The following MS4A13 variants were observed in gnomAD, a reference collection of about 807,000 sequenced individuals.
MS4A13 encodes the protein membrane-spanning 4-domains subfamily A member 13.
In MS4A13, 21 loss-of-function variants were observed where a neutral mutation model predicts 18.4. That is an observed-to-expected ratio of 1.14 (90% confidence interval 0.81 to 1.64). The LOEUF is 1.64. MS4A13 is among the 40% of genes most tolerant of loss of function. The probability of loss-of-function intolerance (pLI) is 0.00; values close to 1 mark genes in which losing one functional copy is unlikely to be tolerated. For missense variants in MS4A13, 173 were observed against 176.8 expected, an observed-to-expected ratio of 0.98 and a Z score of 0.12; for synonymous variants, 62 against 57.2, an observed-to-expected ratio of 1.08 and a Z score of -0.38.
chr11:60,527,050 CTATTA>C (rs2086718101), intron 5 of MS4A13, among the ~76,000 whole-genome samples: 1 of 152,152 alleles, frequency 6.6e-6, no homozygotes, highest in South Asian at 2.1e-4. Context: ...GTTTCTATCA[CTATTA>C]TATCAAACTC....
chr11:60,541,688 T>C (rs565239092), intron 6 of MS4A13, among the ~76,000 whole-genome samples: 2 of 152,146 alleles, frequency 1.3e-5, no homozygotes, highest in Non-Finnish European at 2.9e-5. Flanking sequence ...AGAAATGTCA[T>C]GAGAGGCTAG....
At chr11:60,520,169 G>C (rs1166087566) in intron 3 of MS4A13, among the ~76,000 whole-genome samples, 3 of 152,048 alleles carry the variant, frequency 2.0e-5, no homozygotes, top group East Asian at 1.9e-4. Flanking sequence ...CATGAGGCTG[G>C]GGGGGTGGCG....
intron 6 of MS4A13, among the ~76,000 whole-genome samples, chr11:60,533,441 A>G (rs1049087489): frequency 1.0e-4 from 11 of 107,372 alleles, no homozygotes; most frequent in African/African-American, 4.0e-4. Context: ...GATGAAATGA[A>G]TGAAATGAAG....
intron 3 of MS4A13, among the ~76,000 whole-genome samples, chr11:60,522,122 A>G (rs1590871513): frequency 6.6e-6 from 1 of 152,098 alleles, no homozygotes; most frequent in Middle Eastern, 3.4e-3. Flanking sequence ...CCCGCCCACA[A>G]CACATGGGAA....
chr11:60,542,634 A>ATC lies in MS4A13; in HGVS notation c.*63_*64dup. 9.3e-7 allele frequency: 1 copy of ATC among 1,080,226 alleles called. No homozygotes were observed. The allele number at this position is 1,080,226 out of a possible 1,614,324, so 66.9% of individuals were successfully genotyped here. A position where few individuals can be genotyped will look rare whatever the true frequency, so the allele number is the denominator to read the frequency against. ...GATGCCTGGTGTGGGTCCTAATGAT[A>ATC]TCTCTGTATAACAAAGCAGTTACGA... is the stretch of plus-strand genomic sequence containing the variant. On this transcript the variant is annotated 3_prime_UTR_variant, in exon 7 of 7. Transcript: ENST00000378186.
In MS4A13 at chr11:60,542,590, T is replaced by C. The variant is rs779515925; in HGVS notation, c.*15T>C. 20 of 1,587,380 alleles carry C rather than the reference T, an allele frequency of 1.3e-5. No homozygotes were observed. Among genetic ancestry groups the C allele is most frequent in the Admixed American group, 3.4e-5 (2 of 59,458 alleles). ...GCACTCCTTAAAAACCCTAGAAATATGAGAATTTTGCTGTTGCTGATGCCT... is the reference window on the plus strand; with the variant it reads ...GCACTCCTTAAAAACCCTAGAAATACGAGAATTTTGCTGTTGCTGATGCCT... On this transcript the variant is annotated 3_prime_UTR_variant, in exon 7 of 7. Coordinates refer to ENST00000378186, the MANE Select transcript of MS4A13 (RefSeq NM_001012417.3).
chr11:60,527,860 A>T (rs2086731529), intron 5 of MS4A13, among the ~76,000 whole-genome samples: 1 of 152,092 alleles, frequency 6.6e-6, no homozygotes, highest in African/African-American at 2.4e-5. Flanking sequence ...TAAAAAATTA[A>T]AAAAAATAAG....
chr11:60,520,195 G>A (rs1427055911), intron 3 of MS4A13, among the ~76,000 whole-genome samples: 1 of 152,092 alleles, frequency 6.6e-6, no homozygotes, highest in African/African-American at 2.4e-5. Context: ...TTCCCATGCT[G>A]TTCTCATGAT....
At position 60,529,471 on chromosome 11, in the gene MS4A13, A is replaced by G; in HGVS notation, c.402+11A>G. 1 of 1,505,850 alleles carries G rather than the reference A, an allele frequency of 6.6e-7. No homozygotes were observed. Among genetic ancestry groups the G allele is most frequent in the Admixed American group, 1.9e-5 (1 of 53,088 alleles). The allele number at this position is 1,505,850 out of a possible 1,614,324, so 93.3% of individuals were successfully genotyped here. ...AGCTGTTCCAATTTGGTAAGTGTTTACCCACTCTCTGGCAAATCAAAAGAT... is the reference window on the plus strand; with the variant it reads ...AGCTGTTCCAATTTGGTAAGTGTTTGCCCACTCTCTGGCAAATCAAAAGAT... On this transcript the variant is annotated intron_variant, in intron 6 of 6. Transcript: ENST00000378186.
chr11:60,526,826 A>AATAC (rs1230516953), intron 5 of MS4A13, among the ~76,000 whole-genome samples: 1 of 152,212 alleles, frequency 6.6e-6, no homozygotes, highest in Non-Finnish European at 1.5e-5. Flanking sequence ...AAAATGGTTA[A>AATAC]TAGTATAGAT....
rs1380626558 is a variant in MS4A13 at position 60,527,392 on chromosome 11, C to G, written c.307-1973C>G. ...TCTCTCTCTCTCTCTCTCTCTCTCTCTCTCTCTCTCTCTCTCTCTGTGTGT... is the reference window on the plus strand; with the variant it reads ...TCTCTCTCTCTCTCTCTCTCTCTCTGTCTCTCTCTCTCTCTCTCTGTGTGT... On this transcript the variant is annotated intron_variant, in intron 5 of 6. Coordinates refer to ENST00000378186, the MANE Select transcript of MS4A13 (RefSeq NM_001012417.3). Among the ~76,000 whole-genome samples the G allele has an allele frequency of 5.3e-3, 647 of 121,226 alleles. 5 individuals are homozygous for G. Among genetic ancestry groups the G allele is most frequent in the African/African-American group, 0.021 (536 of 25,300 alleles). The allele number at this position is 121,226 out of a possible 152,430, so 79.5% of individuals were successfully genotyped here. A position where few individuals can be genotyped will look rare whatever the true frequency, so the allele number is the denominator to read the frequency against.
rs1439648137 is a variant in MS4A13, at chr11:60,542,119, A to G, written c.403-400A>G. Among the ~76,000 whole-genome samples the G allele has an allele frequency of 3.2e-3, 4 of 1,246 alleles. No homozygotes were observed. In the Non-Finnish European group the frequency reaches 0.13, roughly 42 times the overall value. 0.8% of individuals were successfully genotyped at this position (1,246 alleles called of 152,430 possible). A position where few individuals can be genotyped will look rare whatever the true frequency, so the allele number is the denominator to read the frequency against. ...CCTTGAAAACAGAACAAGACCTTGA[A>G]AAAAAAAAAAAACCCAAGGAAGGAA... On this transcript the variant is annotated intron_variant, in intron 6 of 6. Transcript: ENST00000378186.
chr11:60,516,162 G>T (rs2135244234), intron 2 of MS4A13, 78 bp downstream of exon 2: 1 of 151,654 alleles, frequency 6.6e-6, no homozygotes, highest in East Asian at 1.9e-4. Context: ...GGATCTAAAG[G>T]GGGACAGACT....
chr11:60,530,165 C>T (rs973040206), intron 6 of MS4A13, among the ~76,000 whole-genome samples: 5 of 152,144 alleles, frequency 3.3e-5, no homozygotes, highest in Non-Finnish European at 2.9e-5. Flanking sequence ...CAAATATTTA[C>T]GGAGAGCATG....
chr11:60,520,425 A>C (rs1590870670), intron 3 of MS4A13, among the ~76,000 whole-genome samples: 1 of 152,222 alleles, frequency 6.6e-6, no homozygotes, highest in Admixed American at 6.5e-5. Context: ...TGTAAAATCA[A>C]TAGCAAGTTA....
chr11:60,518,945 G>C (rs1256132014), intron 3 of MS4A13, among the ~76,000 whole-genome samples: 1 of 152,208 alleles, frequency 6.6e-6, no homozygotes, highest in African/African-American at 2.4e-5. Flanking sequence ...GGGGAAACTT[G>C]GCTCAAGAGA....
chr11:60,515,815 A>T (rs1389134220), intron 1 of MS4A13, 154 bp from the exon 2 acceptor site: 1 of 152,258 alleles, frequency 6.6e-6, no homozygotes, highest in Non-Finnish European at 1.5e-5. Flanking sequence ...CAGATGGATG[A>T]AAGTTGATGC....
At chr11:60,523,295 C>G (rs892269629) in intron 3 of MS4A13, among the ~76,000 whole-genome samples, 1 of 152,130 alleles carries the variant, frequency 6.6e-6, no homozygotes, top group African/African-American at 2.4e-5. Flanking sequence ...ATTGTGCAAC[C>G]CATCTTCAAA....
At position 60,540,144 on chromosome 11, in the gene MS4A13, C is replaced by A. The variant is rs145906552; in HGVS notation, c.403-2375C>A. On this transcript the variant is annotated intron_variant, in intron 6 of 6. Coordinates refer to ENST00000378186, the MANE Select transcript of MS4A13 (RefSeq NM_001012417.3). ...TCACCCAGGTAATCCAGGATGATTA[C>A]CTTAATTTAAGGTCGTGTTATTAGT... is the stretch of plus-strand genomic sequence containing the variant. Among the ~76,000 whole-genome samples the A allele has an allele frequency of 4.7e-3, 717 of 152,282 alleles. 8 individuals carry two copies. The highest frequency in any genetic ancestry group is 0.016 in the African/African-American group (680 of 41,546).
Sources: allele counts gnomAD v4.1 joint callset (sites outside exome capture counted in the v4.1 genomes callset), GRCh38; gene constraint gnomAD v4.1.1; transcripts MANE v1.5; gene names NCBI Gene and HGNC (gene_info 2026-07-23, HGNC 2026-07-21).